The following ULK4 variants were observed in gnomAD, a reference collection of about 807,000 sequenced individuals.
The protein encoded by ULK4 is unc-51 like kinase 4, also known as inactive serine/threonine-protein kinase ULK4.
In ULK4, 133 loss-of-function variants were observed where a neutral mutation model predicts 160.6. The observed-to-expected ratio is 0.83, with a 90% CI of 0.72 to 0.96. The LOEUF (loss-of-function observed/expected upper bound fraction) is 0.96. Among genes scored for constraint, ULK4 ranks in the 40% least tolerant of loss-of-function variants. ULK4 has a pLI of 0.00. For synonymous variants in ULK4, 534 were observed against 539.8 expected, an observed-to-expected ratio of 0.99 and a Z score of 0.15; for missense variants, 1,580 against 1,499.5, an observed-to-expected ratio of 1.05 and a Z score of -0.89.
At chr3:41,317,266 G>A (rs994098194) in intron 35 of ULK4, among the ~76,000 whole-genome samples, 3 of 151,590 alleles carry the variant, frequency 2.0e-5, no homozygotes, top group African/African-American at 7.3e-5. Context: ...TAGTAGAGAC[G>A]GGGTTTCACC....
chr3:41,784,921 A>G (rs2125587195), intron 21 of ULK4, among the ~76,000 whole-genome samples: 1 of 152,316 alleles, frequency 6.6e-6, no homozygotes, highest in South Asian at 2.1e-4. Flanking sequence ...AACTATGAAA[A>G]CATGAAGTAT....
chr3:41,845,535 G>T (rs1432417571), intron 17 of ULK4, among the ~76,000 whole-genome samples: 1 of 152,136 alleles, frequency 6.6e-6, no homozygotes, highest in Non-Finnish European at 1.5e-5. Context: ...ACACAGCAGG[G>T]TAAGAGGATA....
intron 20 of ULK4, among the ~76,000 whole-genome samples, chr3:41,796,467 C>A (rs931509818): frequency 6.6e-6 from 1 of 152,086 alleles, no homozygotes; most frequent in Non-Finnish European, 1.5e-5. Flanking sequence ...TGGCATGCAC[C>A]TGTAATCCCA....
chr3:41,753,866 G>C (rs1326126601), intron 22 of ULK4, among the ~76,000 whole-genome samples: 1 of 152,148 alleles, frequency 6.6e-6, no homozygotes, highest in Non-Finnish European at 1.5e-5. Context: ...ACACTGCTGG[G>C]GAGGCCTCAG....
Position 41,789,366 on chromosome 3 carries a change from G to C in ULK4, c.2193+295C>G, listed in dbSNP as rs115061149. On this transcript the variant is annotated intron_variant, in intron 21 of 36. Coordinates refer to ENST00000301831, the MANE Select transcript of ULK4 (RefSeq NM_017886.4). ...ATGGGAGAAAGAGATGGAAGCTGGA[G>C]TTGGTGAGGCATAAGAAATGCCAGC... Among the ~76,000 whole-genome samples the C allele has an allele frequency of 6.6e-3, 999 of 152,290 alleles. 9 individuals carry two copies. The highest frequency in any genetic ancestry group is 0.023 in the African/African-American group (965 of 41,564).
At chr3:41,721,669 GT>G (rs1456581496) in intron 22 of ULK4, among the ~76,000 whole-genome samples, 1 of 151,610 alleles carries the variant, frequency 6.6e-6, no homozygotes, top group Non-Finnish European at 1.5e-5. Flanking sequence ...CCTGGCCAAT[GT>G]TTTTAAACAT....
chr3:41,374,509 T>C (rs1411192402), intron 35 of ULK4, among the ~76,000 whole-genome samples: 1 of 152,000 alleles, frequency 6.6e-6, no homozygotes, highest in East Asian at 1.9e-4. Flanking sequence ...ATGTAATCCA[T>C]CATAGAAAAA....
At chr3:41,859,609 C>T in intron 17 of ULK4, 2 of 497,184 alleles carry the variant, frequency 4.0e-6, no homozygotes, top group Non-Finnish European at 7.9e-6. Context: ...ACTGCCTGAG[C>T]TGCCAGCCTC....
intron 35 of ULK4, among the ~76,000 whole-genome samples, chr3:41,353,237 T>A (rs1436431215): frequency 1.3e-5 from 2 of 152,230 alleles, no homozygotes; most frequent in Non-Finnish European, 2.9e-5. Flanking sequence ...AAGCAGGAAC[T>A]GATTCCACTA....
intron 35 of ULK4, among the ~76,000 whole-genome samples, chr3:41,388,993 C>T (rs187304737): frequency 1.6e-3 from 237 of 152,000 alleles, no homozygotes; most frequent in African/African-American, 5.1e-3. Context: ...GATATTGATT[C>T]TTCCTACCCA....
chr3:41,585,758 C>A (rs919204280), intron 31 of ULK4, among the ~76,000 whole-genome samples: 1 of 152,082 alleles, frequency 6.6e-6, no homozygotes, highest in Non-Finnish European at 1.5e-5. Context: ...AAAATTTGTG[C>A]AAATCGTACT....
chr3:41,687,734 T>C (rs929850987), intron 27 of ULK4: 1 of 152,138 alleles, frequency 6.6e-6, no homozygotes, highest in Non-Finnish European at 1.5e-5. Flanking sequence ...AACAAAAGGG[T>C]CATCAAGATA....
chr3:41,846,079 C>G (rs2042062146), intron 17 of ULK4, among the ~76,000 whole-genome samples: 1 of 152,186 alleles, frequency 6.6e-6, no homozygotes. Flanking sequence ...CTTTAGAACT[C>G]AATGTCTTGT....
chr3:41,903,292 CG>C (rs1698436467), intron 12 of ULK4, among the ~76,000 whole-genome samples: 1 of 152,022 alleles, frequency 6.6e-6, no homozygotes, highest in East Asian at 1.9e-4. Flanking sequence ...TTAGAAATAA[CG>C]TAAGAATTAG....
At chr3:41,495,701 GA>G (rs1281177970) in intron 32 of ULK4, among the ~76,000 whole-genome samples, 1 of 151,410 alleles carries the variant, frequency 6.6e-6, no homozygotes, top group Non-Finnish European at 1.5e-5. Flanking sequence ...CTAATATCCA[GA>G]ATCTACAATG....
At chr3:41,385,596 G>A (rs1296581178) in intron 35 of ULK4, among the ~76,000 whole-genome samples, 1 of 152,114 alleles carries the variant, frequency 6.6e-6, no homozygotes, top group Non-Finnish European at 1.5e-5. Flanking sequence ...AACAGATGCA[G>A]AAAATGGGAA....
At chr3:41,645,028 T>C (rs1170020678) in intron 30 of ULK4, among the ~76,000 whole-genome samples, 39 of 151,662 alleles carry the variant, frequency 2.6e-4, no homozygotes, top group African/African-American at 9.4e-4. Context: ...TTCTGTGGGA[T>C]CGGTGGTGAT....
intron 32 of ULK4, among the ~76,000 whole-genome samples, chr3:41,500,505 T>C (rs1201967983): frequency 6.6e-6 from 1 of 152,136 alleles, no homozygotes; most frequent in African/African-American, 2.4e-5. Flanking sequence ...ACCTGATTAG[T>C]GGGAGGCAAC....
At chr3:41,800,338 T>C (rs747207597) in intron 19 of ULK4, 45 bp from the exon 20 acceptor site, 11 of 1,528,566 alleles carry the variant, frequency 7.2e-6, no homozygotes, top group East Asian at 2.3e-5. Context: ...GAGAAATAAA[T>C]ACATGTTATT....
Sources: allele counts gnomAD v4.1 joint callset (sites outside exome capture counted in the v4.1 genomes callset), GRCh38; gene constraint gnomAD v4.1.1; transcripts MANE v1.5; gene names NCBI Gene and HGNC (gene_info 2026-07-23, HGNC 2026-07-21).